Variants in ANXA1 observed in about 807,000 individuals in gnomAD.
ANXA1 encodes the protein annexin A1.
Under a neutral mutation model 47.9 loss-of-function variants are expected in ANXA1, and 39 were observed. The observed-to-expected ratio is 0.81, with a 90% confidence interval of 0.63 to 1.06. The LOEUF (loss-of-function observed/expected upper bound fraction) is 1.06. Ranked by LOEUF, ANXA1 falls within the 50% of genes least tolerant of loss-of-function variation. ANXA1 has a pLI of 0.00. For synonymous variants in ANXA1, 146 were observed against 142.5 expected (o/e 1.02, Z -0.17); for missense variants, 446 against 422.7 (o/e 1.06, Z -0.48).
Position 73,160,343 on chromosome 9 carries a change from A to G in ANXA1, c.351A>G (p.Gln117=), listed in dbSNP as rs996876713. Residue 117 remains glutamine, a synonymous_variant, in exon 5 of 13, where the codon CAA becomes CAG. Coordinates refer to ENST00000257497, the MANE Select transcript of ANXA1 (RefSeq NM_000700.3). ...TAGCTCTGCTAAAAACTCCAGCGCA[A>G]TTTGATGCTGATGAACTTCGTGCTG... ...VVLALLKTPA[Q]FDADELRAAM... 3 of 1,586,214 alleles carry G rather than the reference A, an allele frequency of 1.9e-6. No homozygotes were observed. The highest frequency in any genetic ancestry group is 1.7e-6 in the Non-Finnish European group (2 of 1,171,560).
chr9:73,170,048 C>A lies in ANXA1; in HGVS notation c.985-3C>A. 1 of 1,597,976 alleles carries A rather than the reference C, an allele frequency of 6.3e-7. No homozygotes were observed. ...TTAAGTATACCTTTTTTTGAATCAACAGGATGAAACCAAAGGAGATTATGA... is the reference window on the plus strand; with the variant it reads ...TTAAGTATACCTTTTTTTGAATCAAAAGGATGAAACCAAAGGAGATTATGA... On this transcript the variant is annotated splice_polypyrimidine_tract_variant and splice_region_variant and intron_variant, in intron 12 of 12. Transcript: ENST00000257497.
At chr9:73,157,210 A>C (rs1422451236) in intron 1 of ANXA1, among the ~76,000 whole-genome samples, 1 of 152,188 alleles carries the variant, frequency 6.6e-6, no homozygotes, top group East Asian at 1.9e-4. Context: ...TGAAGATAGC[A>C]ATTACTTCAA....
chr9:73,158,487 T>A (rs202158567), intron 1 of ANXA1, 35 bp from the exon 2 acceptor site: 4 of 1,537,906 alleles, frequency 2.6e-6, no homozygotes, highest in Non-Finnish European at 3.6e-6. Context: ...GTGGTGCATT[T>A]GTTTTGTAAA....
intron 8 of ANXA1, among the ~76,000 whole-genome samples, chr9:73,164,303 A>G (rs546647076): frequency 1.3e-5 from 2 of 152,310 alleles, no homozygotes. Context: ...AAATGCATAC[A>G]TATCAGATCA....
intron 9 of ANXA1, among the ~76,000 whole-genome samples, chr9:73,165,776 T>C (rs1824218894): frequency 6.6e-6 from 1 of 152,096 alleles, no homozygotes; most frequent in Non-Finnish European, 1.5e-5. Context: ...CAGGTCTTTA[T>C]ATAAGGGAAG....
chr9:73,167,482 TTTC>T lies in ANXA1; in HGVS notation c.803-10_803-8del, dbSNP rs752848971. 16 of 1,608,618 alleles carry T rather than the reference TTTC, an allele frequency of 9.9e-6. No homozygotes were observed. In the South Asian group the frequency reaches 1.7e-4, roughly 17 times the overall value. Reference sequence around the variant, plus strand: ...TCATGGTAAATACATCAACTAAAATTTTCTTCTCTAACAGTGAAGTGCGCCACA... The same window carrying T: ...TCATGGTAAATACATCAACTAAAATTTTCTCTAACAGTGAAGTGCGCCACA... On this transcript the variant is annotated splice_polypyrimidine_tract_variant and intron_variant, in intron 10 of 12. Coordinates refer to ENST00000257497, the MANE Select transcript of ANXA1 (RefSeq NM_000700.3).
Position 73,162,863 on chromosome 9 carries a change from T to C in ANXA1, c.555+2T>C, listed in dbSNP as rs777113445. The C allele has an allele frequency of 4.4e-6, 7 of 1,608,834 alleles. No individual in the cohort carries two copies. The highest frequency in any genetic ancestry group is 6.0e-6 in the Non-Finnish European group (7 of 1,175,792). ...AACGCTTTGCTTTCTCTTGCTAAGG[T>C]ACAACTCAGATACTTTAGGAAATGC... On this transcript the variant is annotated splice_donor_variant, in intron 7 of 12. Coordinates refer to ENST00000257497, the MANE Select transcript of ANXA1 (RefSeq NM_000700.3). LOFTEE classifies it high-confidence loss of function.
intron 7 of ANXA1, 77 bp downstream of exon 7, chr9:73,162,938 G>A (rs528343278): frequency 3.4e-6 from 4 of 1,165,780 alleles, no homozygotes; most frequent in Non-Finnish European, 5.0e-6. Flanking sequence ...GTTGCTATAA[G>A]GGAATATCTG....
rs150294146 is a variant in ANXA1 at position 73,160,820 on chromosome 9, A to G, written c.402A>G (p.Glu134=). ...RAAMKGLGTD[E]DTLIEILASR... is the part of the protein sequence containing the mutation. ...AAATTTAGGGCCTTGGAACTGATGAAGATACTCTAATTGAGATTTTGGCAT... is the reference window on the plus strand; with the variant it reads ...AAATTTAGGGCCTTGGAACTGATGAGGATACTCTAATTGAGATTTTGGCAT... Residue 134 remains glutamate, a synonymous_variant, in exon 6 of 13, where the codon GAA becomes GAG. Coordinates refer to ENST00000257497, the MANE Select transcript of ANXA1 (RefSeq NM_000700.3). 1.1e-5 allele frequency: 18 copies of G among 1,612,144 alleles called. No homozygotes were observed. Among genetic ancestry groups the G allele is most frequent in the Non-Finnish European group, 1.5e-5 (18 of 1,178,586 alleles).
At chr9:73,153,676 AG>A (rs1458438489) in intron 1 of ANXA1, among the ~76,000 whole-genome samples, 1 of 152,250 alleles carries the variant, frequency 6.6e-6, no homozygotes, top group Non-Finnish European at 1.5e-5. Context: ...AGTTGTGGGT[AG>A]AAAATGTTCA....
intron 1 of ANXA1, among the ~76,000 whole-genome samples, chr9:73,152,520 G>C (rs1823987911): frequency 6.6e-6 from 1 of 152,038 alleles, no homozygotes. Flanking sequence ...AAGAAGGTCC[G>C]CTTATTACTT....
chr9:73,160,151 A>G (rs1824112940), intron 4 of ANXA1, 112 bp from the exon 5 acceptor site: 2 of 603,642 alleles, frequency 3.3e-6, no homozygotes, highest in African/African-American at 1.9e-5. Flanking sequence ...GCTCTAAAAG[A>G]TGGTTGGGTT....
At position 73,154,470 on chromosome 9, in the gene ANXA1, A is replaced by G. The variant is rs533010846; in HGVS notation, c.-15+2546A>G. 1.4e-4 allele frequency: 115 copies of G among 835,524 alleles called. 1 individual carries two copies. In the South Asian group the frequency reaches 1.7e-3, roughly 12 times the overall value. 51.8% of individuals were successfully genotyped at this position (835,524 alleles called of 1,614,324 possible). A position where few individuals can be genotyped will look rare whatever the true frequency, so the allele number is the denominator to read the frequency against. ...TCTTTCTTCCCGACAGAGTCTTGTTATGTCGCCCAGGATGGAGTGTAGTGG... is the reference window on the plus strand; with the variant it reads ...TCTTTCTTCCCGACAGAGTCTTGTTGTGTCGCCCAGGATGGAGTGTAGTGG... On this transcript the variant is annotated intron_variant, in intron 1 of 12. Coordinates refer to ENST00000257497, the MANE Select transcript of ANXA1 (RefSeq NM_000700.3).
chr9:73,155,378 T>C (rs903092591), intron 1 of ANXA1, among the ~76,000 whole-genome samples: 1 of 152,072 alleles, frequency 6.6e-6, no homozygotes, highest in African/African-American at 2.4e-5. Flanking sequence ...AACAAAAAGA[T>C]AGAAAAAAGA....
At position 73,160,806 on chromosome 9, in the gene ANXA1, C is replaced by A. The variant is rs765226924; in HGVS notation, c.388C>A (p.Leu130Ile). ...ADELRAAMKG[L>I]GTDEDTLIEI... is the part of the protein sequence containing the mutation. ...CTTTTCTTCTCTTCAAATTTAGGGC[C>A]TTGGAACTGATGAAGATACTCTAAT... Residue 130 changes from leucine to isoleucine, a missense_variant, in exon 6 of 13, where the codon CTT (leucine) becomes ATT (isoleucine). Transcript: ENST00000257497. 1 of 1,609,628 alleles carries A rather than the reference C, an allele frequency of 6.2e-7. No individual in the cohort carries two copies. The highest frequency in any genetic ancestry group is 1.1e-5 in the South Asian group (1 of 90,832).
At chr9:73,165,843 A>G (rs1037898545) in intron 9 of ANXA1, among the ~76,000 whole-genome samples, 1 of 152,132 alleles carries the variant, frequency 6.6e-6, no homozygotes, top group African/African-American at 2.4e-5. Context: ...TGTCAATCAC[A>G]TGCCGTTTCT....
At position 73,165,143 on chromosome 9, in the gene ANXA1, A is replaced by G. The variant is rs1208155036; in HGVS notation, c.640A>G (p.Lys214Glu). The change falls in exon 9 of 13, where the codon AAG becomes GAG. Residue 214 changes from lysine (K) to glutamate (E), a missense_variant. By Grantham distance (56) the Lys-to-Glu change is moderately conservative (BLOSUM62 1). Coordinates refer to ENST00000257497, the MANE Select transcript of ANXA1 (RefSeq NM_000700.3). ...CTTGTATGAAGCAGGAGAAAGGAGA[A>G]AGGGGACAGACGTAAACGTGTTCAA... The part of the protein sequence containing the change: ...RALYEAGERR[K>E]GTDVNVFNTI... 1.2e-6 allele frequency: 2 copies of G among 1,612,652 alleles called. No individual in the cohort carries two copies. Among genetic ancestry groups the G allele is most frequent in the African/African-American group, 2.7e-5 (2 of 74,858 alleles).
chr9:73,169,069 T>A lies in ANXA1; in HGVS notation c.899T>A (p.Met300Lys). The A allele has an allele frequency of 6.2e-7, 1 of 1,613,462 alleles. No individual in the cohort carries two copies. Among genetic ancestry groups the A allele is most frequent in the Non-Finnish European group, 8.5e-7 (1 of 1,179,536 alleles). The change falls in exon 12 of 13, where the codon ATG (methionine) becomes AAG (lysine). Residue 300 changes from methionine to lysine, a missense_variant. Physicochemically the swap from Met to Lys is moderately conservative, Grantham distance 95 (BLOSUM62 -1). Transcript: ENST00000257497. ...GTRHKALIRI[M>K]VSRSEIDMND... ...CGCCATAAGGCATTGATCAGGATTATGGTTTCCCGTTCTGAAATTGACATG... is the reference window on the plus strand; with the variant it reads ...CGCCATAAGGCATTGATCAGGATTAAGGTTTCCCGTTCTGAAATTGACATG...
At chr9:73,165,280 A>T (rs1824208995) in intron 9 of ANXA1, 71 bp downstream of exon 9, 3 of 1,264,218 alleles carry the variant, frequency 2.4e-6, no homozygotes, top group Non-Finnish European at 1.1e-6. Context: ...GACAAATAAG[A>T]GAAAGTAAAA....
Sources: gnomAD v4.1 joint callset for allele counts (sites outside exome capture counted in the v4.1 genomes callset) on GRCh38, gnomAD v4.1.1 for gene constraint, MANE v1.5 for transcripts, NCBI Gene and HGNC (gene_info 2026-07-23, HGNC 2026-07-21) for gene names.